Variants in NRG1 observed in about 807,000 individuals in gnomAD.
NRG1 encodes the protein pro-neuregulin-1, membrane-bound isoform.
NRG1 carries 18 observed loss-of-function variants against 63.8 expected under a neutral mutation model. The observed-to-expected ratio is 0.28, with a 90% CI of 0.19 to 0.42. The LOEUF (loss-of-function observed/expected upper bound fraction) is 0.42. NRG1 is among the 10% of genes least tolerant of loss of function. The pLI, the probability that NRG1 is intolerant of heterozygous loss-of-function variation, is 1.00. For missense variants in NRG1, 762 were observed against 814.7 expected, an observed-to-expected ratio of 0.94 and a Z score of 0.79; for synonymous variants, 302 against 301.3, an observed-to-expected ratio of 1.00 and a Z score of -0.02.
rs117026807 is a variant in NRG1, at chr8:31,684,024, G to A, written c.37+44593G>A. ...AAGAGAAGACTTGATTCTCATTTCA[G>A]TTCTGATCTGTCTTTAACTTTGGCT... is the stretch of plus-strand genomic sequence containing the variant. On this transcript the variant is annotated intron_variant, in intron 1 of 10. Coordinates refer to the NRG1 transcript ENST00000519301. Among the ~76,000 whole-genome samples the A allele has an allele frequency of 0.013, 2,000 of 152,258 alleles. 63 individuals carry two copies. In the South Asian group the frequency reaches 0.14, roughly 10 times the overall value.
At chr8:31,966,055 C>T (rs1186580768) in intron 1 of NRG1, among the ~76,000 whole-genome samples, 1 of 151,982 alleles carries the variant, frequency 6.6e-6, no homozygotes, top group East Asian at 1.9e-4. Flanking sequence ...CCAATCTTCA[C>T]CATTACACAA....
At chr8:31,759,333 C>A (rs145326326) in intron 1 of NRG1, among the ~76,000 whole-genome samples, 2 of 152,086 alleles carry the variant, frequency 1.3e-5, no homozygotes, top group African/African-American at 4.8e-5. Context: ...ATGATATAAT[C>A]TCTTTTTTTT....
At position 32,554,031 on chromosome 8, in the gene NRG1, A is replaced by G. The variant is rs538329492; in HGVS notation, c.100+5205A>G. Reference sequence around the variant, plus strand: ...TCATGTTCTGTTAGGATAGATGAAAACAAACCAAATGCCAGTATTTTGGGT... The same window carrying G: ...TCATGTTCTGTTAGGATAGATGAAAGCAAACCAAATGCCAGTATTTTGGGT... On this transcript the variant is annotated intron_variant, in intron 1 of 11. Transcript: ENST00000356819. Among the ~76,000 whole-genome samples, 7 of 152,330 alleles carry G rather than the reference A, an allele frequency of 4.6e-5. No homozygotes were observed. The South Asian group carries it at 1.4e-3, about 32-fold the overall frequency.
At chr8:31,953,295 T>A (rs1291892811) in intron 1 of NRG1, among the ~76,000 whole-genome samples, 1 of 152,288 alleles carries the variant, frequency 6.6e-6, no homozygotes, top group East Asian at 1.9e-4. Flanking sequence ...GGTGGATATG[T>A]TTGAAAGCAA....
At chr8:31,955,738 A>G (rs943872752) in intron 1 of NRG1, among the ~76,000 whole-genome samples, 2 of 152,100 alleles carry the variant, frequency 1.3e-5, no homozygotes. Context: ...TTTTTTTTAA[A>G]TTTAAAAGTT....
intron 1 of NRG1, among the ~76,000 whole-genome samples, chr8:32,520,544 T>C (rs1588092485): frequency 6.6e-6 from 1 of 152,024 alleles, no homozygotes; most frequent in East Asian, 1.9e-4. Flanking sequence ...TATGTAGAGA[T>C]ATGTAAAGCT....
At chr8:31,726,513 A>G (rs143752768) in intron 1 of NRG1, among the ~76,000 whole-genome samples, 49 of 152,258 alleles carry the variant, frequency 3.2e-4, no homozygotes, top group African/African-American at 1.2e-3. Flanking sequence ...ATCTAGAATG[A>G]GGTCTGGGAA....
At chr8:31,957,036 G>C (rs1394579239) in intron 1 of NRG1, among the ~76,000 whole-genome samples, 1 of 152,116 alleles carries the variant, frequency 6.6e-6, no homozygotes, top group Admixed American at 6.5e-5. Context: ...CTAGGTTTCT[G>C]GAAATATTGA....
intron 1 of NRG1, among the ~76,000 whole-genome samples, chr8:31,668,747 C>A (rs753674603): frequency 4.6e-5 from 7 of 152,172 alleles, no homozygotes; most frequent in Non-Finnish European, 1.0e-4. Context: ...TATGAGTTTA[C>A]AGATACAGTT....
chr8:31,938,339 C>T (rs577538280), intron 1 of NRG1, among the ~76,000 whole-genome samples: 12 of 152,204 alleles, frequency 7.9e-5, no homozygotes, highest in African/African-American at 2.6e-4. Context: ...TCAGAAAGCC[C>T]CATTCCTAGG....
At chr8:32,225,908 T>C (rs555430772) in intron 1 of NRG1, among the ~76,000 whole-genome samples, 6 of 152,292 alleles carry the variant, frequency 3.9e-5, no homozygotes, top group Admixed American at 1.3e-4. Context: ...TCTTCCTACC[T>C]TTAGTCTTTA....
chr8:32,763,636 A>T, intron 11 of NRG1, 112 bp from the exon 12 acceptor site: 1 of 1,220,868 alleles, frequency 8.2e-7, no homozygotes, highest in Non-Finnish European at 1.1e-6. Flanking sequence ...TACAATGAAT[A>T]GAAATTCTCT....
chr8:32,271,610 A>G (rs2129472464), intron 1 of NRG1, among the ~76,000 whole-genome samples: 1 of 152,260 alleles, frequency 6.6e-6, no homozygotes, highest in East Asian at 1.9e-4. Flanking sequence ...ACTGGCAGAG[A>G]TCAATGGTAC....
chr8:32,689,040 A>C (rs1810910305), intron 5 of NRG1, among the ~76,000 whole-genome samples: 1 of 152,192 alleles, frequency 6.6e-6, no homozygotes, highest in Non-Finnish European at 1.5e-5. Context: ...CAAGAAAAGC[A>C]AGATAGTATC....
At chr8:32,318,228 A>T (rs551425451) in intron 1 of NRG1, among the ~76,000 whole-genome samples, 1 of 152,318 alleles carries the variant, frequency 6.6e-6, no homozygotes, top group Admixed American at 6.5e-5. Context: ...TTTTGAACAG[A>T]GTGATTCTTG....
At chr8:32,718,425 C>T (rs1327389665) in intron 5 of NRG1, among the ~76,000 whole-genome samples, 1 of 152,260 alleles carries the variant, frequency 6.6e-6, no homozygotes, top group East Asian at 1.9e-4. Flanking sequence ...AAACCCTCTT[C>T]TACTCTCACC....
intron 1 of NRG1, among the ~76,000 whole-genome samples, chr8:31,782,675 C>T (rs1476641125): frequency 6.6e-6 from 1 of 152,074 alleles, no homozygotes; most frequent in Non-Finnish European, 1.5e-5. Flanking sequence ...ACAGAAAGAA[C>T]GATAGAGATC....
chr8:32,331,460 T>C (rs1586866920), intron 1 of NRG1, among the ~76,000 whole-genome samples: 1 of 151,278 alleles, frequency 6.6e-6, no homozygotes. Flanking sequence ...GAGGCTGGGA[T>C]GTTGAGGCTG....
intron 1 of NRG1, among the ~76,000 whole-genome samples, chr8:31,892,430 T>A (rs1403400298): frequency 6.6e-6 from 1 of 152,078 alleles, no homozygotes; most frequent in Non-Finnish European, 1.5e-5. Flanking sequence ...TAGGATAACT[T>A]CACAATCTCC....
Sources: gnomAD v4.1 joint callset for allele counts (sites outside exome capture counted in the v4.1 genomes callset) on GRCh38, gnomAD v4.1.1 for gene constraint, MANE v1.5 for transcripts, NCBI Gene and HGNC (gene_info 2026-07-23, HGNC 2026-07-21) for gene names.